The following NCOR1 variants were observed in gnomAD, a reference collection of about 807,000 sequenced individuals.
The protein encoded by NCOR1 is nuclear receptor corepressor 1, also known as protein phosphatase 1, regulatory subunit 109.
A neutral mutation model predicts 288.1 loss-of-function variants in NCOR1; 63 were observed. The observed-to-expected ratio is 0.22, with a 90% CI of 0.18 to 0.27. The LOEUF (loss-of-function observed/expected upper bound fraction) is 0.27, where lower values mean the gene tolerates loss of function less well. Among genes scored for constraint, NCOR1 ranks in the 10% least tolerant of loss-of-function variants. The probability of loss-of-function intolerance (pLI) is 1.00; values close to 1 mark genes in which losing one functional copy is unlikely to be tolerated. For synonymous variants in NCOR1, 1,007 were observed against 1,065.9 expected, an observed-to-expected ratio of 0.94 and a Z score of 1.08; for missense variants, 2,397 against 3,019.2, an observed-to-expected ratio of 0.79 and a Z score of 4.83.
intron 26 of NCOR1, among the ~76,000 whole-genome samples, chr17:16,077,451 A>AGG (rs2062645201): frequency 2.5e-5 from 3 of 117,894 alleles, no homozygotes; most frequent in Non-Finnish European, 5.3e-5. Context: ...AGGAAAGGGA[A>AGG]GGAGAGGAGA....
intron 22 of NCOR1, among the ~76,000 whole-genome samples, chr17:16,090,439 T>C (rs1335108030): frequency 6.6e-6 from 1 of 152,210 alleles, no homozygotes. Flanking sequence ...ACACCTGCGA[T>C]GTCCATTAAT....
At chr17:16,187,451 T>C (rs781719389) in intron 2 of NCOR1, among the ~76,000 whole-genome samples, 2 of 151,256 alleles carry the variant, frequency 1.3e-5, no homozygotes, top group East Asian at 1.9e-4. Flanking sequence ...AAACAAAATG[T>C]AGTATAACCA....
At chr17:16,167,787 G>C (rs1029919214) in intron 4 of NCOR1, among the ~76,000 whole-genome samples, 1 of 149,936 alleles carries the variant, frequency 6.7e-6, no homozygotes. Flanking sequence ...TTGAACCCGG[G>C]AGGCGGAGGT....
At chr17:16,151,359 C>G (rs1231144634) in intron 8 of NCOR1, among the ~76,000 whole-genome samples, 1 of 152,180 alleles carries the variant, frequency 6.6e-6, no homozygotes, top group Non-Finnish European at 1.5e-5. Flanking sequence ...CATTCTGGAG[C>G]AGCCTCGTCA....
At chr17:16,177,204 T>C (rs1295986701) in intron 3 of NCOR1, among the ~76,000 whole-genome samples, 1 of 152,054 alleles carries the variant, frequency 6.6e-6, no homozygotes, top group African/African-American at 2.4e-5. Flanking sequence ...TGAACTACAT[T>C]TAGCCCATCT....
At chr17:16,051,396 T>C (rs895014337) in intron 40 of NCOR1, among the ~76,000 whole-genome samples, 2 of 152,152 alleles carry the variant, frequency 1.3e-5, no homozygotes, top group Non-Finnish European at 2.9e-5. Flanking sequence ...AATAACCTGC[T>C]CCTGGAGTAC....
intron 11 of NCOR1, among the ~76,000 whole-genome samples, chr17:16,141,985 TCA>T (rs1423151126): frequency 1.3e-5 from 2 of 152,142 alleles, no homozygotes; most frequent in African/African-American, 4.8e-5. Flanking sequence ...CACAGAATTT[TCA>T]CAGTTTAAAT....
chr17:16,091,653 C>T, intron 22 of NCOR1: 3 of 1,386,446 alleles, frequency 2.2e-6, no homozygotes, highest in Non-Finnish European at 1.9e-6. Flanking sequence ...AACTAGAATG[C>T]TATTAAAAAT....
At chr17:16,084,959 A>G (rs551825733) in intron 23 of NCOR1, among the ~76,000 whole-genome samples, 4 of 152,216 alleles carry the variant, frequency 2.6e-5, no homozygotes, top group African/African-American at 7.2e-5. Flanking sequence ...ATATATTTAG[A>G]CTATATAAAA....
At chr17:16,057,864 T>C in intron 39 of NCOR1, 43 bp downstream of exon 39, 1 of 1,543,132 alleles carries the variant, frequency 6.5e-7, no homozygotes, top group Non-Finnish European at 8.7e-7. Flanking sequence ...TTCCCCATGA[T>C]CAAAAAAGAA....
chr17:16,208,833 C>T (rs2091847857), intron 1 of NCOR1, among the ~76,000 whole-genome samples: 1 of 151,642 alleles, frequency 6.6e-6, no homozygotes, highest in East Asian at 1.9e-4. Context: ...GACAGACCCT[C>T]TGTAAAAAAG....
intron 21 of NCOR1, among the ~76,000 whole-genome samples, chr17:16,095,159 G>A (rs937683869): frequency 1.3e-5 from 2 of 151,684 alleles, no homozygotes; most frequent in Admixed American, 6.6e-5. Flanking sequence ...TAGGAAGTGA[G>A]GAACGTCTCT....
intron 14 of NCOR1, among the ~76,000 whole-genome samples, chr17:16,137,076 T>A (rs1158302302): frequency 6.6e-6 from 1 of 152,148 alleles, no homozygotes; most frequent in African/African-American, 2.4e-5. Context: ...CAGAATGGTA[T>A]AAAACTTTTC....
At chr17:16,077,051 A>G (rs2062568500) in intron 26 of NCOR1, among the ~76,000 whole-genome samples, 1 of 152,112 alleles carries the variant, frequency 6.6e-6, no homozygotes, top group South Asian at 2.1e-4. Context: ...TCTACCACTT[A>G]TTCAAGCATC....
chr17:16,109,738 T>G (rs950432311), intron 18 of NCOR1, among the ~76,000 whole-genome samples: 2 of 70,988 alleles, frequency 2.8e-5, no homozygotes, highest in Non-Finnish European at 5.7e-5. Flanking sequence ...ACCACTCAAT[T>G]TATTTTTCTT....
chr17:16,073,490 C>A lies in NCOR1; in HGVS notation c.3750G>T (p.Val1250=). The A allele has an allele frequency of 6.2e-7, 1 of 1,612,420 alleles. No homozygotes were observed. ...ACATCCCTTGCTTTATATTTCCTTC[C>A]ACTGATTCATAGCTTCTCTTTAAAC... ...EISLKRSYES[V]EGNIKQGMSM... Residue 1250 remains valine (V), a synonymous_variant, in exon 28 of 46, where the codon GTG becomes GTT. Transcript: ENST00000268712.
chr17:16,083,268 G>A (rs918504415), intron 23 of NCOR1, among the ~76,000 whole-genome samples: 3 of 151,678 alleles, frequency 2.0e-5, no homozygotes, highest in South Asian at 4.2e-4. Context: ...CTAGCCACTC[G>A]GAAGGCTGAG....
chr17:16,029,665 A>G lies in NCOR1; in HGVS notation c.*2631T>C, dbSNP rs1322573243. The G allele has an allele frequency of 1.2e-5, 2 of 167,892 alleles. No individual in the cohort carries two copies. The highest frequency in any genetic ancestry group is 4.8e-5 in the African/African-American group (2 of 41,588). The allele number at this position is 167,892 out of a possible 1,614,324, so 10.4% of individuals were successfully genotyped here. On this transcript the variant is annotated 3_prime_UTR_variant, in exon 46 of 46. Transcript: ENST00000268712. ...TTTTGGTTTGCAGTGAACCACAGTA[A>G]GTTGTCAGTGCTGCTCTGTGCTTAC...
intron 18 of NCOR1, among the ~76,000 whole-genome samples, chr17:16,114,790 TC>T (rs2071209782): frequency 6.6e-6 from 1 of 152,222 alleles, no homozygotes; most frequent in African/African-American, 2.4e-5. Context: ...GGGAACAGCC[TC>T]CTTCCTGGCT....
Sources: gnomAD v4.1 joint callset for allele counts (sites outside exome capture counted in the v4.1 genomes callset) on GRCh38, gnomAD v4.1.1 for gene constraint, MANE v1.5 for transcripts, NCBI Gene and HGNC (gene_info 2026-07-23, HGNC 2026-07-21) for gene names.